STXBP5L: variants seen among roughly 807,000 people sequenced by gnomAD.
STXBP5L encodes the protein syntaxin binding protein 5L.
STXBP5L carries 65 observed loss-of-function variants against 144.5 expected under a neutral mutation model. The observed-to-expected ratio is 0.45, with a 90% confidence interval of 0.37 to 0.55. STXBP5L has a LOEUF of 0.55. Among genes scored for constraint, STXBP5L ranks in the 20% least tolerant of loss-of-function variants. The pLI is 0.00. For missense variants in STXBP5L, 1,298 were observed against 1,405.5 expected, an observed-to-expected ratio of 0.92 and a Z score of 1.22; for synonymous variants, 505 against 469.6, an observed-to-expected ratio of 1.08 and a Z score of -0.97.
chr3:121,124,051 T>C (rs2044596187), intron 7 of STXBP5L, among the ~76,000 whole-genome samples: 3 of 150,628 alleles, frequency 2.0e-5, no homozygotes, highest in Admixed American at 2.0e-4. Context: ...TATAGTAGAC[T>C]TTTATTTGCA....
intron 20 of STXBP5L, among the ~76,000 whole-genome samples, chr3:121,334,879 G>A (rs2044450162): frequency 6.6e-6 from 1 of 152,152 alleles, no homozygotes; most frequent in Non-Finnish European, 1.5e-5. Context: ...AAAGCTGGAA[G>A]CATTCCCCTT....
At chr3:121,105,492 A>T (rs925737772) in intron 5 of STXBP5L, among the ~76,000 whole-genome samples, 2 of 152,208 alleles carry the variant, frequency 1.3e-5, no homozygotes, top group African/African-American at 4.8e-5. Flanking sequence ...AATGCAAATC[A>T]AAACCACAAT....
At chr3:121,412,755 GA>G (rs1486887039) in intron 23 of STXBP5L, among the ~76,000 whole-genome samples, 98 of 89,972 alleles carry the variant, frequency 1.1e-3, no homozygotes, top group African/African-American at 3.9e-3. Flanking sequence ...AAAAACAAAA[GA>G]AAAAGAAAAA....
intron 20 of STXBP5L, among the ~76,000 whole-genome samples, chr3:121,347,049 T>A (rs985837897): frequency 2.0e-5 from 3 of 152,156 alleles, no homozygotes; most frequent in East Asian, 3.8e-4. Flanking sequence ...CTGAATGGTA[T>A]TGCCTAGGTT....
intron 3 of STXBP5L, among the ~76,000 whole-genome samples, chr3:121,033,626 T>A (rs1294110141): frequency 6.6e-6 from 1 of 151,778 alleles, no homozygotes; most frequent in Admixed American, 6.6e-5. Context: ...GTGTGTTTTT[T>A]ATGGTATATT....
chr3:121,303,670 C>T (rs1285333398), intron 19 of STXBP5L, among the ~76,000 whole-genome samples: 1 of 152,154 alleles, frequency 6.6e-6, no homozygotes, highest in Admixed American at 6.5e-5. Flanking sequence ...AAATGTGGCA[C>T]ATATACACCA....
chr3:121,045,606 T>C (rs1248545156), intron 5 of STXBP5L, 71 bp downstream of exon 5: 1 of 1,345,254 alleles, frequency 7.4e-7, no homozygotes, highest in Non-Finnish European at 1.0e-6. Context: ...TTTTGTTAAC[T>C]TGACAGGCTT....
chr3:121,079,203 G>C (rs151261706), intron 5 of STXBP5L, among the ~76,000 whole-genome samples: 2,037 of 152,384 alleles, frequency 0.013, 22 homozygotes, highest in Non-Finnish European at 0.018. Context: ...GAGCCCTGAA[G>C]AAAGGGCTTT....
At chr3:121,350,245 T>C (rs1320529631) in intron 20 of STXBP5L, among the ~76,000 whole-genome samples, 1 of 152,180 alleles carries the variant, frequency 6.6e-6, no homozygotes, top group East Asian at 1.9e-4. Context: ...TATGAAGTTC[T>C]GGGTTGAAAA....
chr3:121,319,742 C>A (rs2043906789), intron 20 of STXBP5L, among the ~76,000 whole-genome samples: 1 of 152,066 alleles, frequency 6.6e-6, no homozygotes, highest in Admixed American at 6.6e-5. Context: ...TTACTTTGAT[C>A]ATATTTTCCC....
At chr3:120,965,990 T>C (rs996154993) in intron 3 of STXBP5L, among the ~76,000 whole-genome samples, 1 of 152,188 alleles carries the variant, frequency 6.6e-6, no homozygotes, top group African/African-American at 2.4e-5. Flanking sequence ...CACTCTTTTT[T>C]TTCTCTAAAC....
At chr3:121,055,697 G>A (rs964282707) in intron 5 of STXBP5L, among the ~76,000 whole-genome samples, 3 of 150,558 alleles carry the variant, frequency 2.0e-5, no homozygotes, top group African/African-American at 7.3e-5. Context: ...AAGTAGAGAT[G>A]GTTTCTTACT....
intron 5 of STXBP5L, among the ~76,000 whole-genome samples, chr3:121,059,302 T>G (rs1316713145): frequency 6.6e-6 from 1 of 152,284 alleles, no homozygotes; most frequent in South Asian, 2.1e-4. Flanking sequence ...GTGTTATTTC[T>G]GAGGCCTCTG....
chr3:121,048,477 A>G (rs1947681509), intron 5 of STXBP5L, among the ~76,000 whole-genome samples: 1 of 152,114 alleles, frequency 6.6e-6, no homozygotes, highest in Non-Finnish European at 1.5e-5. Flanking sequence ...TCTTGCAGGG[A>G]TACTAATGAA....
intron 5 of STXBP5L, among the ~76,000 whole-genome samples, chr3:121,086,414 G>A (rs147682413): frequency 5.4e-4 from 82 of 152,122 alleles, no homozygotes; most frequent in Middle Eastern, 3.4e-3. Context: ...TGCCTCATGC[G>A]TTCATAGCCA....
intron 2 of STXBP5L, among the ~76,000 whole-genome samples, chr3:120,934,143 T>C: frequency 6.6e-6 from 1 of 151,366 alleles, no homozygotes; most frequent in East Asian, 1.9e-4. Context: ...ACTGTCTCAG[T>C]TGTACATTCT....
At chr3:121,329,733 C>A in intron 20 of STXBP5L, among the ~76,000 whole-genome samples, 1 of 151,874 alleles carries the variant, frequency 6.6e-6, no homozygotes, top group East Asian at 1.9e-4. Flanking sequence ...TGGTGGCAGG[C>A]GCCTATAATC....
chr3:121,245,062 A>G (rs954482399), intron 14 of STXBP5L, among the ~76,000 whole-genome samples: 57 of 152,180 alleles, frequency 3.7e-4, no homozygotes, highest in African/African-American at 1.3e-3. Context: ...TGGTGGATAA[A>G]TCACTTTGAT....
chr3:121,019,626 G>A (rs776261141), intron 3 of STXBP5L, among the ~76,000 whole-genome samples: 3 of 152,130 alleles, frequency 2.0e-5, no homozygotes, highest in South Asian at 2.1e-4. Context: ...CCCAGTACCA[G>A]CCCAGAGCCC....
Sources: gnomAD v4.1 joint callset for allele counts (sites outside exome capture counted in the v4.1 genomes callset) on GRCh38, gnomAD v4.1.1 for gene constraint, MANE v1.5 for transcripts, NCBI Gene and HGNC (gene_info 2026-07-23, HGNC 2026-07-21) for gene names.